The following TCF7L1 variants were observed in gnomAD, a reference collection of about 807,000 sequenced individuals.
The protein encoded by TCF7L1 is transcription factor 7-like 1.
Under a neutral mutation model 63.7 loss-of-function variants are expected in TCF7L1, and 18 were observed. The ratio of observed to expected loss-of-function variants is 0.28; its 90% CI spans 0.20 to 0.42. The LOEUF is 0.42. TCF7L1 is among the 10% of genes least tolerant of loss of function. The pLI, the probability that TCF7L1 is intolerant of heterozygous loss-of-function variation, is 1.00. For missense variants in TCF7L1, 654 were observed against 779.3 expected (o/e 0.84, Z 1.91); for synonymous variants, 355 against 340.9 (o/e 1.04, Z -0.46).
chr2:85,155,877 A>T lies in TCF7L1; in HGVS notation c.441+21427A>T, dbSNP rs984271919. 3.3e-5 allele frequency among the ~76,000 whole-genome samples: 5 copies of T among 152,280 alleles called. No individual in the cohort carries two copies. In the South Asian group the frequency reaches 8.3e-4, roughly 25 times the overall value. On this transcript the variant is annotated intron_variant, in intron 3 of 11. Transcript: ENST00000282111. ...TTTTAGACTGTTGGGGGAGGGGGGA[A>T]ATCAGATGCCCCTTTGTACACTAAT...
Position 85,301,026 on chromosome 2 carries a change from C to T in TCF7L1, c.526-1458C>T, listed in dbSNP as rs1047886074. 2.0e-5 allele frequency among the ~76,000 whole-genome samples: 3 copies of T among 152,298 alleles called. 1 individual carries two copies. Among genetic ancestry groups the T allele is most frequent in the Middle Eastern group, 3.4e-3 (1 of 294 alleles). ...AACTCCTGACTTCAGGTGTTCTGCC[C>T]GCCTTGGCCTCCCAAAATGCTGGGA... On this transcript the variant is annotated intron_variant, in intron 4 of 11. Transcript: ENST00000282111.
At chr2:85,201,437 A>G (rs1201265352) in intron 3 of TCF7L1, among the ~76,000 whole-genome samples, 1 of 152,212 alleles carries the variant, frequency 6.6e-6, no homozygotes, top group Non-Finnish European at 1.5e-5. Context: ...CGTAGATTTG[A>G]TGCATTCATG....
chr2:85,281,022 T>C (rs1172059428), intron 3 of TCF7L1, among the ~76,000 whole-genome samples: 5 of 2,466 alleles, frequency 2.0e-3, no homozygotes, highest in Non-Finnish European at 2.9e-3. Context: ...ATTAGCTCCT[T>C]TTTTTTTTTT....
chr2:85,250,598 G>A (rs1366955810), intron 3 of TCF7L1, among the ~76,000 whole-genome samples: 7 of 152,132 alleles, frequency 4.6e-5, no homozygotes, highest in South Asian at 2.1e-4. Context: ...CACCACGCCT[G>A]GCTGATTTTT....
chr2:85,146,497 CTTTTTTTTTT>C lies in TCF7L1; in HGVS notation c.441+12059_441+12068del, dbSNP rs554058692. Reference sequence around the variant, plus strand: ...GGCATTTCTTTTCTTTTCTTTCTTTCTTTTTTTTTTTTTTTTTTTTTGAGATGGAGTTTCG... The same window carrying C: ...GGCATTTCTTTTCTTTTCTTTCTTTCTTTTTTTTTTTGAGATGGAGTTTCG... On this transcript the variant is annotated intron_variant, in intron 3 of 11. Transcript: ENST00000282111. 1.3e-4 allele frequency among the ~76,000 whole-genome samples: 13 copies of C among 103,612 alleles called. 1 individual carries two copies. The highest frequency in any genetic ancestry group is 4.5e-4 in the African/African-American group (12 of 26,454). The allele number at this position is 103,612 out of a possible 152,430, so 68.0% of individuals were successfully genotyped here.
In TCF7L1 at chr2:85,283,553, C is replaced by T. The variant is rs35802950; in HGVS notation, c.500C>T (p.Thr167Met). The T allele has an allele frequency of 1.9e-4, 311 of 1,614,166 alleles. No individual in the cohort carries two copies. Among genetic ancestry groups the T allele is most frequent in the South Asian group, 3.4e-4 (31 of 91,084 alleles). Reference sequence around the variant, plus strand: ...CCCTCCAGCGCCACAGTCAAGGACACGAGGTCACCATCTCCAGCACACTTG... The same window carrying T: ...CCCTCCAGCGCCACAGTCAAGGACATGAGGTCACCATCTCCAGCACACTTG... Reference protein sequence around the residue: ...DVPSSATVKDTRSPSPAHLSN... With the variant: ...DVPSSATVKDMRSPSPAHLSN... Residue 167 changes from threonine (T) to methionine (M), a missense_variant, in exon 4 of 12, where the codon ACG (threonine) becomes ATG (methionine). By Grantham distance (81) the Thr-to-Met change is moderately conservative. Transcript: ENST00000282111.
intron 3 of TCF7L1, among the ~76,000 whole-genome samples, chr2:85,205,501 C>T (rs1013106956): frequency 6.6e-6 from 1 of 151,216 alleles, no homozygotes; most frequent in Non-Finnish European, 1.5e-5. Context: ...AGAAGACTTC[C>T]GGGGCAGCAA....
chr2:85,168,410 A>G (rs1159279444), intron 3 of TCF7L1, among the ~76,000 whole-genome samples: 1 of 152,218 alleles, frequency 6.6e-6, no homozygotes, highest in Non-Finnish European at 1.5e-5. Context: ...GTGTGGGAAC[A>G]GTGAAGATGG....
chr2:85,155,436 A>G (rs1198063551), intron 3 of TCF7L1, among the ~76,000 whole-genome samples: 1 of 152,182 alleles, frequency 6.6e-6, no homozygotes, highest in Non-Finnish European at 1.5e-5. Flanking sequence ...TAAGAGCTGT[A>G]ACGCTCACTG....
chr2:85,215,984 G>A (rs865897319), intron 3 of TCF7L1, among the ~76,000 whole-genome samples: 10 of 152,120 alleles, frequency 6.6e-5, no homozygotes, highest in African/African-American at 2.4e-4. Context: ...AGGGTTTTGA[G>A]GCCTCTGAAG....
rs534543420 is a variant in TCF7L1, at chr2:85,156,867, GATATTTTGGTTAGAA to G, written c.441+22447_441+22461del. On this transcript the variant is annotated intron_variant, in intron 3 of 11. Transcript: ENST00000282111. ...CAGGAGACATTTGGCAATGCCTGGA[GATATTTTGGTTAGAA>G]ATATTTTGGTTAGAAATATTTTGGT... Among the ~76,000 whole-genome samples the G allele has an allele frequency of 1.1e-3, 161 of 152,316 alleles. 5 individuals carry two copies. The South Asian group carries it at 0.028, about 27-fold the overall frequency.
chr2:85,264,208 C>T (rs1680918021), intron 3 of TCF7L1, among the ~76,000 whole-genome samples: 1 of 152,152 alleles, frequency 6.6e-6, no homozygotes, highest in African/African-American at 2.4e-5. Context: ...AATCAATGAC[C>T]CATTTGAACC....
Position 85,206,300 on chromosome 2 carries a change from C to T in TCF7L1, c.441+71850C>T, listed in dbSNP as rs139977684. ...TTGTGTGTTGGCTCTTGACCAGAGACGCTCTGCAGTCACTCTGTGGGGCTG... is the reference window on the plus strand; with the variant it reads ...TTGTGTGTTGGCTCTTGACCAGAGATGCTCTGCAGTCACTCTGTGGGGCTG... On this transcript the variant is annotated intron_variant, in intron 3 of 11. Transcript: ENST00000282111. Among the ~76,000 whole-genome samples, 648 of 152,332 alleles carry T rather than the reference C, an allele frequency of 4.3e-3. 8 individuals carry two copies. The highest frequency in any genetic ancestry group is 0.015 in the African/African-American group (626 of 41,576).
chr2:85,169,069 A>G (rs1235994799), intron 3 of TCF7L1, among the ~76,000 whole-genome samples: 2 of 152,294 alleles, frequency 1.3e-5, no homozygotes, highest in East Asian at 3.9e-4. Context: ...AAAAAACACC[A>G]TCATTTCATA....
chr2:85,220,384 T>A (rs1193448650), intron 3 of TCF7L1, among the ~76,000 whole-genome samples: 4 of 151,886 alleles, frequency 2.6e-5, no homozygotes, highest in African/African-American at 9.7e-5. Flanking sequence ...GTATATATAT[T>A]TTTTGAGATG....
chr2:85,152,305 G>A (rs2104206811), intron 3 of TCF7L1, among the ~76,000 whole-genome samples: 1 of 152,294 alleles, frequency 6.6e-6, no homozygotes, highest in Non-Finnish European at 1.5e-5. Flanking sequence ...GCTACTAAAG[G>A]TTATTGTGTT....
intron 4 of TCF7L1, 59 bp from the exon 5 acceptor site, chr2:85,302,425 A>C (rs1573033853): frequency 1.2e-6 from 2 of 1,611,458 alleles, no homozygotes; most frequent in Non-Finnish European, 1.7e-6. Context: ...CATAAATAAC[A>C]GCTGGTCATA....
chr2:85,135,321 C>T (rs1402004585), intron 3 of TCF7L1, among the ~76,000 whole-genome samples: 1 of 152,168 alleles, frequency 6.6e-6, no homozygotes, highest in Admixed American at 6.5e-5. Context: ...AGGCTCCCTG[C>T]CCAGGTGCTG....
intron 3 of TCF7L1, among the ~76,000 whole-genome samples, chr2:85,203,480 A>G (rs992306284): frequency 4.6e-5 from 7 of 152,182 alleles, no homozygotes; most frequent in Non-Finnish European, 1.5e-5. Context: ...TAATTCCAGC[A>G]CTTTGGGAGG....
Sources: gnomAD v4.1 joint callset for allele counts (sites outside exome capture counted in the v4.1 genomes callset) on GRCh38, gnomAD v4.1.1 for gene constraint, MANE v1.5 for transcripts, NCBI Gene and HGNC (gene_info 2026-07-23, HGNC 2026-07-21) for gene names.